PLCB1: variants seen among roughly 807,000 people sequenced by gnomAD.
PLCB1 encodes the protein phospholipase C beta 1, also known as 1-phosphatidylinositol 4,5-bisphosphate phosphodiesterase beta-1.
Under a neutral mutation model 161.8 loss-of-function variants are expected in PLCB1, and 46 were observed. The ratio of observed to expected loss-of-function variants is 0.28; its 90% CI spans 0.22 to 0.36. PLCB1 has a LOEUF of 0.36. PLCB1 is among the 10% of genes least tolerant of loss of function. The pLI is 1.00. For missense variants in PLCB1, 1,016 were observed against 1,472.5 expected (o/e 0.69, Z 5.07); for synonymous variants, 517 against 503.7 (o/e 1.03, Z -0.35).
intron 9 of PLCB1, among the ~76,000 whole-genome samples, chr20:8,673,672 GT>G (rs1990004168): frequency 6.6e-6 from 1 of 152,094 alleles, no homozygotes; most frequent in African/African-American, 2.4e-5. Flanking sequence ...TGGAATTGCC[GT>G]TTTTAGTTGT....
chr20:8,317,947 A>G (rs150289078), intron 2 of PLCB1, among the ~76,000 whole-genome samples: 318 of 151,396 alleles, frequency 2.1e-3, no homozygotes, highest in African/African-American at 7.5e-3. Flanking sequence ...ACTACTGGCA[A>G]CATTTATTTT....
At chr20:8,442,477 G>T (rs1360793803) in intron 3 of PLCB1, among the ~76,000 whole-genome samples, 1 of 152,136 alleles carries the variant, frequency 6.6e-6, no homozygotes, top group African/African-American at 2.4e-5. Context: ...GCTCTTAAAG[G>T]TTCTACCTCT....
At chr20:8,444,293 G>T (rs1980708369) in intron 3 of PLCB1, among the ~76,000 whole-genome samples, 1 of 151,408 alleles carries the variant, frequency 6.6e-6, no homozygotes, top group African/African-American at 2.4e-5. Flanking sequence ...TGCAGTGTTT[G>T]GTTTTTTGTC....
intron 1 of PLCB1, among the ~76,000 whole-genome samples, chr20:8,137,908 T>C (rs2123005225): frequency 6.6e-6 from 1 of 152,336 alleles, no homozygotes; most frequent in South Asian, 2.1e-4. Flanking sequence ...GCTGAACTGA[T>C]CCTCTTGAAC....
intron 2 of PLCB1, among the ~76,000 whole-genome samples, chr20:8,216,573 T>G (rs1979141030): frequency 6.6e-6 from 1 of 152,144 alleles, no homozygotes. Context: ...AAAGTGGGTA[T>G]GGTTGAGTAG....
In PLCB1 at chr20:8,490,454, A is replaced by T. The variant is rs111581958; in HGVS notation, c.246+119004A>T. On this transcript the variant is annotated intron_variant, in intron 3 of 31. Coordinates refer to ENST00000338037, the MANE Select transcript of PLCB1 (RefSeq NM_015192.4). ...CTTCTGGTTAATAGGGTATTATTTT[A>T]AAATCCGCTATGAACATTCATGTAT... 2.1e-3 allele frequency among the ~76,000 whole-genome samples: 318 copies of T among 152,344 alleles called. 3 individuals are homozygous for T. Among genetic ancestry groups the T allele is most frequent in the African/African-American group, 7.3e-3 (303 of 41,574 alleles).
At chr20:8,778,431 G>A (rs1983050121) in intron 27 of PLCB1, among the ~76,000 whole-genome samples, 1 of 152,144 alleles carries the variant, frequency 6.6e-6, no homozygotes, top group Non-Finnish European at 1.5e-5. Flanking sequence ...TCCTGGAGGA[G>A]AAGGTTGGTT....
At chr20:8,337,576 A>G (rs1253845967) in intron 2 of PLCB1, among the ~76,000 whole-genome samples, 3 of 152,196 alleles carry the variant, frequency 2.0e-5, no homozygotes, top group African/African-American at 7.2e-5. Flanking sequence ...GGACTATCCT[A>G]TTTAAATTTC....
Position 8,594,259 on chromosome 20 carries a change from C to T in PLCB1, c.247-34035C>T, listed in dbSNP as rs529820683. Among the ~76,000 whole-genome samples, 14 of 152,190 alleles carry T rather than the reference C, an allele frequency of 9.2e-5. No individual in the cohort carries two copies. In the East Asian group the frequency reaches 2.1e-3, roughly 23 times the overall value. On this transcript the variant is annotated intron_variant, in intron 3 of 31. Coordinates refer to ENST00000338037, the MANE Select transcript of PLCB1 (RefSeq NM_015192.4). Reference sequence around the variant, plus strand: ...GCTTCTGTTTGATGTATTCTAAACTCGACCGAAAATAAAACTCTCTTGAGA... The same window carrying T: ...GCTTCTGTTTGATGTATTCTAAACTTGACCGAAAATAAAACTCTCTTGAGA...
Position 8,303,453 on chromosome 20 carries a change from C to A in PLCB1, c.178-67929C>A, listed in dbSNP as rs918672062. Among the ~76,000 whole-genome samples the A allele has an allele frequency of 3.3e-5, 5 of 152,104 alleles. No individual in the cohort carries two copies. The East Asian group carries it at 9.6e-4, about 29-fold the overall frequency. ...AAACTAGGGAAGTGATAAATCATGG[C>A]CCCCTGTTAAACAGAAAACTCATTA... On this transcript the variant is annotated intron_variant, in intron 2 of 31. Coordinates refer to ENST00000338037, the MANE Select transcript of PLCB1 (RefSeq NM_015192.4).
At chr20:8,169,412 G>A (rs1292628418) in intron 2 of PLCB1, among the ~76,000 whole-genome samples, 1 of 152,120 alleles carries the variant, frequency 6.6e-6, no homozygotes, top group Non-Finnish European at 1.5e-5. Context: ...AATCCCATGA[G>A]GATTAAATGA....
intron 7 of PLCB1, chr20:8,649,685 C>A: frequency 1.9e-6 from 1 of 525,746 alleles, no homozygotes; most frequent in Non-Finnish European, 3.4e-6. Context: ...ATCTGATTCC[C>A]TGTGCCACCT....
intron 2 of PLCB1, among the ~76,000 whole-genome samples, chr20:8,208,732 C>T (rs1355362751): frequency 6.7e-6 from 1 of 150,198 alleles, no homozygotes; most frequent in Non-Finnish European, 1.5e-5. Flanking sequence ...ATGGGCAAGT[C>T]AAATTATAGA....
intron 1 of PLCB1, among the ~76,000 whole-genome samples, chr20:8,146,523 T>G (rs988942318): frequency 1.3e-5 from 2 of 152,238 alleles, no homozygotes; most frequent in African/African-American, 4.8e-5. Context: ...AAAGGTATAC[T>G]GGTATTAGAA....
chr20:8,578,601 C>T (rs1300128820), intron 3 of PLCB1, among the ~76,000 whole-genome samples: 1 of 152,170 alleles, frequency 6.6e-6, no homozygotes. Flanking sequence ...AAAGGACTAT[C>T]CAGAGTACAG....
chr20:8,838,235 CT>C (rs1986367173), intron 31 of PLCB1, among the ~76,000 whole-genome samples: 1 of 152,158 alleles, frequency 6.6e-6, no homozygotes, highest in Non-Finnish European at 1.5e-5. Context: ...AAAATTTATA[CT>C]GTTCATCTTT....
Position 8,176,567 on chromosome 20 carries a change from C to G in PLCB1, c.177+26196C>G, listed in dbSNP as rs2051786035. Among the ~76,000 whole-genome samples, 5 of 152,252 alleles carry G rather than the reference C, an allele frequency of 3.3e-5. No individual in the cohort carries two copies. In the South Asian group the frequency reaches 1.0e-3, roughly 32 times the overall value. ...GTGACGATACTGTTCTATATCTTGACTGTGGTGAGGAATACATGAACCTAC... is the reference window on the plus strand; with the variant it reads ...GTGACGATACTGTTCTATATCTTGAGTGTGGTGAGGAATACATGAACCTAC... On this transcript the variant is annotated intron_variant, in intron 2 of 31. Transcript: ENST00000338037.
intron 2 of PLCB1, among the ~76,000 whole-genome samples, chr20:8,247,803 C>A (rs1194337418): frequency 2.6e-5 from 4 of 151,886 alleles, no homozygotes; most frequent in Non-Finnish European, 4.4e-5. Context: ...CTTGTGCAGA[C>A]GTCCTTGTGT....
intron 3 of PLCB1, among the ~76,000 whole-genome samples, chr20:8,505,997 G>GT (rs1983621813): frequency 6.6e-6 from 1 of 152,180 alleles, no homozygotes; most frequent in South Asian, 2.1e-4. Flanking sequence ...TTTTCTGAAT[G>GT]TAAGTTTCAG....
Sources: gnomAD v4.1 joint callset for allele counts (sites outside exome capture counted in the v4.1 genomes callset) on GRCh38, gnomAD v4.1.1 for gene constraint, MANE v1.5 for transcripts, NCBI Gene and HGNC (gene_info 2026-07-23, HGNC 2026-07-21) for gene names.